The following CREBBP variants were observed in gnomAD, a reference collection of about 807,000 sequenced individuals.
CREBBP encodes the protein CREB-binding protein.
A neutral mutation model predicts 265.0 loss-of-function variants in CREBBP; 19 were observed. The ratio of observed to expected loss-of-function variants is 0.07; its 90% confidence interval spans 0.05 to 0.11. The LOEUF is 0.11. CREBBP is among the 10% of genes least tolerant of loss of function. CREBBP has a pLI of 1.00. For missense variants in CREBBP, 2,525 were observed against 3,219.0 expected, an observed-to-expected ratio of 0.78 and a Z score of 5.22; for synonymous variants, 1,457 against 1,223.7, an observed-to-expected ratio of 1.19 and a Z score of -3.98.
intron 26 of CREBBP, among the ~76,000 whole-genome samples, chr16:3,738,188 G>C (rs930718741): frequency 1.3e-5 from 2 of 151,970 alleles, no homozygotes; most frequent in African/African-American, 4.8e-5. Flanking sequence ...GATCTTATAG[G>C]TCAATAACAA....
chr16:3,739,645 C>G lies in CREBBP; in HGVS notation c.4213G>C (p.Val1405Leu), dbSNP rs140133512. 1 of 1,614,082 alleles carries G rather than the reference C, an allele frequency of 6.2e-7. No homozygotes were observed. The highest frequency in any genetic ancestry group is 1.3e-5 in the African/African-American group (1 of 74,912). Residue 1405 changes from valine to leucine, a missense_variant, in exon 25 of 31, where the codon GTG becomes CTG. Val to Leu is a conservative substitution (Grantham distance 32, BLOSUM62 1). Around this residue, in one of 19 missense-constraint regions of CREBBP, gnomAD observed 252 missense variants for 452.5 expected, o/e 0.56. Coordinates refer to ENST00000262367, the MANE Select transcript of CREBBP (RefSeq NM_004380.3). ...TGCATTCCAAAAAAGCAGACATCCACGCCGTCAATTTCCTCAAAAGCAAAC... is the reference window on the plus strand; with the variant it reads ...TGCATTCCAAAAAAGCAGACATCCAGGCCGTCAATTTCCTCAAAAGCAAAC... ...ALFAFEEIDGVDVCFFGMHVQ... is the reference protein window; with the variant it reads ...ALFAFEEIDGLDVCFFGMHVQ...
At chr16:3,874,267 A>C (rs958669135) in intron 1 of CREBBP, among the ~76,000 whole-genome samples, 1 of 152,190 alleles carries the variant, frequency 6.6e-6, no homozygotes, top group African/African-American at 2.4e-5. Flanking sequence ...AAGACAGGAG[A>C]CCCAAGCTAG....
chr16:3,777,613 C>G lies in CREBBP; in HGVS notation c.2158G>C (p.Gly720Arg). 1 of 1,614,092 alleles carries G rather than the reference C, an allele frequency of 6.2e-7. No individual in the cohort carries two copies. Among genetic ancestry groups the G allele is most frequent in the Non-Finnish European group, 8.5e-7 (1 of 1,180,010 alleles). Residue 720 changes from glycine to arginine, a missense_variant and splice_region_variant, in exon 11 of 31, where the codon GGG becomes CGG. Transcript: ENST00000262367. ...LPVNRMQVSQ[G>R]MNSFNPMSLG... The stretch of plus-strand genomic sequence containing the variant: ...TGATTCACCACAAACAGTTCAATAC[C>G]TTGAGAAACTTGCATGCGATTCACT...
rs770066138 is a variant in CREBBP at position 3,850,764 on chromosome 16, T to C, written c.331A>G (p.Asn111Asp). ...GQAQGQPNSANMASLSAMGKS... is the reference protein window; with the variant it reads ...GQAQGQPNSADMASLSAMGKS... ...CCCATGGCACTGAGGCTGGCCATGT[T>C]AGCACTGTTCGGCTGCCCTTGAGCC... The change falls in exon 2 of 31, where the codon AAC (asparagine) becomes GAC (aspartate). Residue 111 changes from asparagine to aspartate, a missense_variant. Asn to Asp is a conservative substitution (Grantham distance 23, BLOSUM62 1). Around this residue, in one of 19 missense-constraint regions of CREBBP, gnomAD observed 356 missense variants for 340.4 expected, o/e 1.05. Coordinates refer to ENST00000262367, the MANE Select transcript of CREBBP (RefSeq NM_004380.3). The C allele has an allele frequency of 3.1e-6, 5 of 1,613,996 alleles. No homozygotes were observed. Among genetic ancestry groups the C allele is most frequent in the Middle Eastern group, 3.3e-4 (2 of 6,084 alleles).
At chr16:3,837,918 C>T (rs2054488403) in intron 2 of CREBBP, among the ~76,000 whole-genome samples, 1 of 152,180 alleles carries the variant, frequency 6.6e-6, no homozygotes. Context: ...TCACTCACCA[C>T]TCATTCACTC....
chr16:3,736,292 T>C (rs1487561738), intron 27 of CREBBP, 89 bp from the exon 28 acceptor site: 4 of 1,369,472 alleles, frequency 2.9e-6, no homozygotes, highest in Middle Eastern at 1.9e-4. Flanking sequence ...AGCGTGCCCC[T>C]CACCATGGTG....
intron 23 of CREBBP, chr16:3,740,848 C>T (rs1442642397): frequency 4.6e-6 from 2 of 430,798 alleles, no homozygotes; most frequent in African/African-American, 4.0e-5. Context: ...TTGACAGGGG[C>T]TCTAGGGCGG....
intron 2 of CREBBP, among the ~76,000 whole-genome samples, chr16:3,814,643 G>A (rs1448527796): frequency 1.3e-5 from 2 of 151,944 alleles, no homozygotes; most frequent in African/African-American, 2.4e-5. Flanking sequence ...TTTTCTTCTT[G>A]GCCATCAGAT....
At chr16:3,748,368 T>C (rs1255812858) in intron 21 of CREBBP, among the ~76,000 whole-genome samples, 1 of 151,398 alleles carries the variant, frequency 6.6e-6, no homozygotes, top group African/African-American at 2.4e-5. Flanking sequence ...AAAAGAAAGG[T>C]GGAAAGTCAG....
At chr16:3,871,109 AAG>A (rs1172189608) in intron 1 of CREBBP, among the ~76,000 whole-genome samples, 3 of 151,836 alleles carry the variant, frequency 2.0e-5, no homozygotes. Context: ...AAAAGAAAGA[AAG>A]AAGAGAGAAG....
At chr16:3,788,918 T>TCA (rs2053447102) in intron 5 of CREBBP, among the ~76,000 whole-genome samples, 1 of 152,180 alleles carries the variant, frequency 6.6e-6, no homozygotes, top group Non-Finnish European at 1.5e-5. Context: ...TGCCACTGCA[T>TCA]GCCAGTCTGG....
At chr16:3,834,084 T>C (rs2054395556) in intron 2 of CREBBP, among the ~76,000 whole-genome samples, 1 of 152,230 alleles carries the variant, frequency 6.6e-6, no homozygotes, top group Non-Finnish European at 1.5e-5. Flanking sequence ...ATTTGCCTAT[T>C]AGAACAGCCA....
chr16:3,730,957 C>G (rs1039787131), intron 30 of CREBBP, among the ~76,000 whole-genome samples: 1 of 152,258 alleles, frequency 6.6e-6, no homozygotes, highest in African/African-American at 2.4e-5. Flanking sequence ...GACTTCCCAG[C>G]AGAGCCTCCC....
intron 2 of CREBBP, among the ~76,000 whole-genome samples, chr16:3,824,423 C>T (rs2054199816): frequency 6.6e-6 from 1 of 152,262 alleles, no homozygotes; most frequent in Admixed American, 6.5e-5. Context: ...TGGGGGTTAA[C>T]TGACAGAGCT....
chr16:3,821,922 G>A (rs2141381934), intron 2 of CREBBP, among the ~76,000 whole-genome samples: 1 of 152,226 alleles, frequency 6.6e-6, no homozygotes, highest in East Asian at 1.9e-4. Flanking sequence ...CCCAGCTACA[G>A]GTTTAGGCAG....
intron 3 of CREBBP, among the ~76,000 whole-genome samples, chr16:3,801,905 C>A (rs1271630826): frequency 6.6e-6 from 1 of 151,950 alleles, no homozygotes; most frequent in Non-Finnish European, 1.5e-5. Context: ...GTCTCCCCTG[C>A]CTGTTACTAT....
Position 3,851,118 on chromosome 16 carries a change from C to T in CREBBP, c.86-109G>A, listed in dbSNP as rs1288753779. 4 of 904,534 alleles carry T rather than the reference C, an allele frequency of 4.4e-6. No individual in the cohort carries two copies. The East Asian group carries it at 1.0e-4, about 23-fold the overall frequency. The allele number at this position is 904,534 out of a possible 1,614,324, so 56.0% of individuals were successfully genotyped here. A position where few individuals can be genotyped will look rare whatever the true frequency, so the allele number is the denominator to read the frequency against. On this transcript the variant is annotated intron_variant, in intron 1 of 30. Coordinates refer to ENST00000262367, the MANE Select transcript of CREBBP (RefSeq NM_004380.3). ...ATGGGGCATTCAGCACGAACACTAG[C>T]ATGTCTTAAGAGTCATGTCATTAGC...
At chr16:3,797,820 T>C (rs1349962031) in intron 3 of CREBBP, among the ~76,000 whole-genome samples, 1 of 151,590 alleles carries the variant, frequency 6.6e-6, no homozygotes, top group Non-Finnish European at 1.5e-5. Context: ...AAAAATGGCT[T>C]AAAATGGAGA....
In CREBBP at chr16:3,728,911, C is replaced by A; in HGVS notation, c.6136G>T (p.Ala2046Ser). 1 of 1,607,124 alleles carries A rather than the reference C, an allele frequency of 6.2e-7. No individual in the cohort carries two copies. The highest frequency in any genetic ancestry group is 8.5e-7 in the Non-Finnish European group (1 of 1,179,302). Residue 2046 changes from alanine to serine, a missense_variant, in exon 31 of 31, where the codon GCG (alanine) becomes TCG (serine). Ala to Ser is a moderately conservative substitution (Grantham distance 99). Around this residue, in one of 19 missense-constraint regions of CREBBP, gnomAD observed 275 missense variants for 276.5 expected, o/e 0.99. Coordinates refer to ENST00000262367, the MANE Select transcript of CREBBP (RefSeq NM_004380.3). The surrounding 1 kb of genome is among the most constrained non-coding windows in gnomAD (Gnocchi z 8.7). ...GGCATCCGGGGCCCAGCCACGGCCG[C>A]CTGGGCCTGCATGGATATCACAGGC... ...PRPVISMQAQ[A>S]AVAGPRMPSV...
Sources: gnomAD v4.1 joint callset for allele counts (sites outside exome capture counted in the v4.1 genomes callset) on GRCh38, gnomAD v4.1.1 for gene constraint, gnomAD v4.1.1 regional missense constraint, Gnocchi (gnomAD v3.1) non-coding constraint, MANE v1.5 for transcripts, NCBI Gene and HGNC (gene_info 2026-07-23, HGNC 2026-07-21) for gene names.